PCBP3: variants seen among roughly 807,000 people sequenced by gnomAD.
PCBP3 encodes the protein poly(rC) binding protein 3.
A neutral mutation model predicts 52.7 loss-of-function variants in PCBP3; 25 were observed. The observed-to-expected ratio is 0.47, with a 90% CI of 0.35 to 0.66. The LOEUF (loss-of-function observed/expected upper bound fraction) is 0.66. Among genes scored for constraint, PCBP3 ranks in the 30% least tolerant of loss-of-function variants. PCBP3 has a pLI of 0.01. For missense variants in PCBP3, 391 were observed against 490.3 expected (o/e 0.80, Z 1.91); for synonymous variants, 162 against 183.0 (o/e 0.89, Z 0.93).
At chr21:45,828,418 G>A (rs1019812347) in intron 4 of PCBP3, 1 of 152,196 alleles carries the variant, frequency 6.6e-6, no homozygotes, top group Non-Finnish European at 1.5e-5. Flanking sequence ...CCGAGAAGCT[G>A]CCCACTGCCC....
At chr21:45,930,749 G>T in intron 14 of PCBP3, 37 bp from the exon 15 acceptor site, 2 of 970,122 alleles carry the variant, frequency 2.1e-6, no homozygotes, top group South Asian at 1.3e-5. Context: ...TCTCCTTGAG[G>T]GCAAAACATT....
chr21:45,779,268 G>A (rs1045974757), intron 4 of PCBP3, among the ~76,000 whole-genome samples: 3 of 152,160 alleles, frequency 2.0e-5, no homozygotes, highest in Non-Finnish European at 4.4e-5. Context: ...GGCATCTCCT[G>A]ATGTTATTTT....
intron 2 of PCBP3, among the ~76,000 whole-genome samples, chr21:45,713,150 A>G (rs1272449390): frequency 6.6e-6 from 1 of 152,218 alleles, no homozygotes; most frequent in African/African-American, 2.4e-5. Flanking sequence ...ACTTTAGGAA[A>G]TTACTTCCAG....
At chr21:45,706,549 A>G (rs1008987545) in intron 2 of PCBP3, among the ~76,000 whole-genome samples, 1 of 150,638 alleles carries the variant, frequency 6.6e-6, no homozygotes, top group African/African-American at 2.4e-5. Context: ...CCCTCTGTAT[A>G]GCTCCCTCCC....
At chr21:45,885,862 A>G (rs578101686) in intron 5 of PCBP3, among the ~76,000 whole-genome samples, 1 of 152,366 alleles carries the variant, frequency 6.6e-6, no homozygotes, top group Admixed American at 6.5e-5. Flanking sequence ...CAGCTCTGTC[A>G]TCCTGGGGCT....
intron 2 of PCBP3, among the ~76,000 whole-genome samples, chr21:45,677,595 A>G (rs1273935196): frequency 1.3e-5 from 2 of 152,244 alleles, no homozygotes; most frequent in East Asian, 3.8e-4. Flanking sequence ...TTGAAAGACC[A>G]TGCCATCTAG....
At chr21:45,930,656 A>G (rs1243685901) in intron 14 of PCBP3, 130 bp from the exon 15 acceptor site, 6 of 572,964 alleles carry the variant, frequency 1.0e-5, no homozygotes, top group African/African-American at 7.5e-5. Context: ...AGGCAGTGCC[A>G]TGCCTGTGGC....
rs191439124 is a variant in PCBP3, at chr21:45,730,359, C to G, written c.-199-5033C>G. ...CCAAATACTTTTTTGTTCCTGTTTTCTAATTTAATTGATTTCTAATTTAAT... is the reference window on the plus strand; with the variant it reads ...CCAAATACTTTTTTGTTCCTGTTTTGTAATTTAATTGATTTCTAATTTAAT... On this transcript the variant is annotated intron_variant, in intron 2 of 17. Transcript: ENST00000681687. Among the ~76,000 whole-genome samples the G allele has an allele frequency of 2.6e-5, 4 of 151,844 alleles. No homozygotes were observed. The East Asian group carries it at 7.8e-4, about 29-fold the overall frequency.
intron 11 of PCBP3, among the ~76,000 whole-genome samples, chr21:45,912,489 C>G (rs2070437): frequency 0.33 from 49,792 of 152,036 alleles, 9,112 homozygotes; most frequent in East Asian, 0.67. Flanking sequence ...CACCTCACAC[C>G]CAGGAGATGA....
At position 45,901,002 on chromosome 21, in the gene PCBP3, T is replaced by G; in HGVS notation, c.228T>G (p.Gly76=). ...TTTCTCTGCTCTCACCTTAGAGTGGTGCAAGGATCAACATCTCAGAGGGAA... is the reference window on the plus strand; with the variant it reads ...TTTCTCTGCTCTCACCTTAGAGTGGGGCAAGGATCAACATCTCAGAGGGAA... ...ETVKKMREES[G]ARINISEGNC... is the part of the protein sequence containing the mutation. The change falls in exon 9 of 18, where the codon GGT becomes GGG. Residue 76 remains glycine, a synonymous_variant. Transcript: ENST00000681687. 6.2e-7 allele frequency: 1 copy of G among 1,612,330 alleles called. No individual in the cohort carries two copies. The highest frequency in any genetic ancestry group is 8.5e-7 in the Non-Finnish European group (1 of 1,178,410).
chr21:45,718,091 CT>C (rs2084349267), intron 2 of PCBP3, among the ~76,000 whole-genome samples: 5 of 151,808 alleles, frequency 3.3e-5, no homozygotes, highest in Admixed American at 3.3e-4. Context: ...TTCATCTAGG[CT>C]TTTTGTTGAT....
chr21:45,771,723 C>T (rs2089881687), intron 4 of PCBP3, among the ~76,000 whole-genome samples: 2 of 135,156 alleles, frequency 1.5e-5, no homozygotes, highest in Admixed American at 1.5e-4. Flanking sequence ...CTGCTCTCAT[C>T]TCTTCTATTC....
At chr21:45,660,941 T>C (rs891453132) in intron 1 of PCBP3, among the ~76,000 whole-genome samples, 1 of 152,086 alleles carries the variant, frequency 6.6e-6, no homozygotes, top group Non-Finnish European at 1.5e-5. Context: ...CTAGGGAGGC[T>C]GAGACAGGAG....
intron 5 of PCBP3, among the ~76,000 whole-genome samples, chr21:45,851,088 A>G (rs978894222): frequency 6.6e-6 from 1 of 152,240 alleles, no homozygotes; most frequent in African/African-American, 2.4e-5. Context: ...AAGAGGCTGA[A>G]AAAAGAGCAA....
chr21:45,886,986 G>T (rs2095539595), intron 5 of PCBP3, among the ~76,000 whole-genome samples: 1 of 152,240 alleles, frequency 6.6e-6, no homozygotes, highest in Non-Finnish European at 1.5e-5. Flanking sequence ...GAATAAAGGA[G>T]CTGCTGCTCA....
chr21:45,720,491 A>G (rs914611711), intron 2 of PCBP3, among the ~76,000 whole-genome samples: 3 of 152,256 alleles, frequency 2.0e-5, no homozygotes, highest in Non-Finnish European at 4.4e-5. Context: ...CTGCACATAT[A>G]TCTCAGAACT....
chr21:45,785,285 G>A (rs1436818085), intron 4 of PCBP3, among the ~76,000 whole-genome samples: 1 of 151,776 alleles, frequency 6.6e-6, no homozygotes, highest in Non-Finnish European at 1.5e-5. Context: ...GTCCAGGAGG[G>A]AGATGTGGGG....
intron 4 of PCBP3, among the ~76,000 whole-genome samples, chr21:45,783,431 A>G (rs2090797390): frequency 6.6e-6 from 1 of 152,258 alleles, no homozygotes; most frequent in South Asian, 2.1e-4. Flanking sequence ...TATTCTCAAC[A>G]GTACATTTGC....
At chr21:45,801,715 T>C (rs538266542) in intron 4 of PCBP3, among the ~76,000 whole-genome samples, 6 of 152,378 alleles carry the variant, frequency 3.9e-5, no homozygotes, top group Admixed American at 6.5e-5. Context: ...GCTGCAGTAT[T>C]CTTTGGAAGG....
Sources: gnomAD v4.1 joint callset for allele counts (sites outside exome capture counted in the v4.1 genomes callset) on GRCh38, gnomAD v4.1.1 for gene constraint, MANE v1.5 for transcripts, NCBI Gene and HGNC (gene_info 2026-07-23, HGNC 2026-07-21) for gene names.